PRKCZ: variants seen among roughly 807,000 people sequenced by gnomAD.
The protein encoded by PRKCZ is protein kinase C zeta.
In PRKCZ, 33 loss-of-function variants were observed where a neutral mutation model predicts 79.5. The ratio of observed to expected loss-of-function variants is 0.41; its 90% confidence interval spans 0.31 to 0.55. The LOEUF is 0.55. Among genes scored for constraint, PRKCZ ranks in the 20% least tolerant of loss-of-function variants. The probability of loss-of-function intolerance (pLI) is 0.19; values close to 1 mark genes in which losing one functional copy is unlikely to be tolerated. For synonymous variants in PRKCZ, 342 were observed against 320.9 expected, an observed-to-expected ratio of 1.07 and a Z score of -0.70; for missense variants, 578 against 813.5, an observed-to-expected ratio of 0.71 and a Z score of 3.52.
intron 4 of PRKCZ, among the ~76,000 whole-genome samples, chr1:2,085,944 G>A (rs984018026): frequency 6.6e-6 from 1 of 152,164 alleles, no homozygotes; most frequent in African/African-American, 2.4e-5. Flanking sequence ...CTCCTGTCTG[G>A]GTTGGCATCA....
intron 4 of PRKCZ, among the ~76,000 whole-genome samples, chr1:2,068,153 C>T (rs968572044): frequency 2.6e-5 from 4 of 152,236 alleles, no homozygotes; most frequent in Non-Finnish European, 5.9e-5. Context: ...GCAGCTCCTC[C>T]GGGGCAGACC....
rs1663767666 is a variant in PRKCZ at position 2,082,644 on chromosome 1, G to T, written c.334+23053G>T. Among the ~76,000 whole-genome samples the T allele has an allele frequency of 6.6e-6, 1 of 152,192 alleles. No homozygotes were observed. Among genetic ancestry groups the T allele is most frequent in the African/African-American group, 2.4e-5 (1 of 41,446 alleles). ...CGAAGTGGAGGGGTTCAGTGAAGGT[G>T]GAGTTGGGCAAGGGCGTACACGGTC... On this transcript the variant is annotated intron_variant, in intron 4 of 17. Coordinates refer to ENST00000378567, the MANE Select transcript of PRKCZ (RefSeq NM_002744.6). This position sits in a 1 kb window ranked among gnomAD's most constrained non-coding sequence, Gnocchi z 4.4.
intron 6 of PRKCZ, 67 bp from the exon 7 acceptor site, chr1:2,145,960 C>T: frequency 1.4e-6 from 2 of 1,383,064 alleles, no homozygotes; most frequent in South Asian, 2.3e-5. Context: ...AAAGTGTTTA[C>T]AGAAGCTACA....
At chr1:2,129,832 C>G (rs1202941882) in intron 4 of PRKCZ, among the ~76,000 whole-genome samples, 1 of 152,192 alleles carries the variant, frequency 6.6e-6, no homozygotes, top group Non-Finnish European at 1.5e-5. Flanking sequence ...ACCAGGTTCT[C>G]CACAGCCTTT....
intron 17 of PRKCZ, 34 bp downstream of exon 17, chr1:2,184,732 C>T (rs1687302706): frequency 1.3e-6 from 2 of 1,586,638 alleles, no homozygotes; most frequent in Admixed American, 1.8e-5. Context: ...CCTGGAGCAC[C>T]CCTCGGGCAG....
intron 4 of PRKCZ, among the ~76,000 whole-genome samples, chr1:2,068,339 G>C (rs1661294520): frequency 6.6e-6 from 1 of 152,228 alleles, no homozygotes. Flanking sequence ...CCCAGGCCAA[G>C]GTGTGGCCAG....
In PRKCZ at chr1:2,168,390, A is replaced by G. The variant is rs1346632297; in HGVS notation, c.975-1128A>G. On this transcript the variant is annotated intron_variant, in intron 10 of 17. Transcript: ENST00000378567. This position sits in a 1 kb window ranked among gnomAD's most constrained non-coding sequence, Gnocchi z 4.7. ...CAGGGGAGACAACAAAAGCCGAGGA[A>G]CGAGCCTTCCCCAGCCGCTCCCCAA... Among the ~76,000 whole-genome samples the G allele has an allele frequency of 6.6e-6, 1 of 152,130 alleles. No homozygotes were observed. Among genetic ancestry groups the G allele is most frequent in the African/African-American group, 2.4e-5 (1 of 41,428 alleles).
rs1292625677 is a variant in PRKCZ at position 2,185,230 on chromosome 1, C to T, written c.*221C>T. 1 of 708,612 alleles carries T rather than the reference C, an allele frequency of 1.4e-6. No homozygotes were observed. The highest frequency in any genetic ancestry group is 1.7e-5 in the African/African-American group (1 of 57,348). 43.9% of individuals were successfully genotyped at this position (708,612 alleles called of 1,614,324 possible). A position where few individuals can be genotyped will look rare whatever the true frequency, so the allele number is the denominator to read the frequency against. On this transcript the variant is annotated 3_prime_UTR_variant, in exon 18 of 18. Transcript: ENST00000378567. Reference sequence around the variant, plus strand: ...AGCTTCGTGCTGGAGGAACTTGCTGCTGTGCCTGCGTCGCGGCGGATCCGC... The same window carrying T: ...AGCTTCGTGCTGGAGGAACTTGCTGTTGTGCCTGCGTCGCGGCGGATCCGC...
intron 4 of PRKCZ, among the ~76,000 whole-genome samples, chr1:2,118,918 G>A (rs1356236817): frequency 3.9e-5 from 6 of 152,048 alleles, no homozygotes; most frequent in Admixed American, 6.6e-5. Context: ...GATTTAGTCC[G>A]TTTACATTTA....
At chr1:2,109,751 G>A (rs927943652) in intron 4 of PRKCZ, among the ~76,000 whole-genome samples, 1 of 152,180 alleles carries the variant, frequency 6.6e-6, no homozygotes, top group Non-Finnish European at 1.5e-5. Context: ...AGCCCAGCCT[G>A]TAGAGGCAGG....
chr1:2,114,541 C>T (rs540733098), intron 4 of PRKCZ, among the ~76,000 whole-genome samples: 213 of 152,242 alleles, frequency 1.4e-3, no homozygotes, highest in Middle Eastern at 3.4e-3. Flanking sequence ...TTTGGGAGGC[C>T]GAGGCGGGTA....
chr1:2,111,339 C>T (rs1361099251), intron 4 of PRKCZ, among the ~76,000 whole-genome samples: 1 of 151,808 alleles, frequency 6.6e-6, no homozygotes, highest in East Asian at 1.9e-4. Flanking sequence ...CCCAGGTTGA[C>T]AGGGACAGGC....
chr1:2,079,084 C>T (rs925786440), intron 4 of PRKCZ, among the ~76,000 whole-genome samples: 1 of 152,164 alleles, frequency 6.6e-6, no homozygotes, highest in Admixed American at 6.5e-5. Context: ...CCTTGTGATC[C>T]GCCCGCCTCG....
At chr1:2,097,209 A>G (rs1571342599) in intron 4 of PRKCZ, among the ~76,000 whole-genome samples, 1 of 152,194 alleles carries the variant, frequency 6.6e-6, no homozygotes, top group East Asian at 1.9e-4. Context: ...ACCAGTGTCC[A>G]TGCCCAGAGG....
At chr1:2,115,264 G>A (rs756641300) in intron 4 of PRKCZ, among the ~76,000 whole-genome samples, 2 of 152,252 alleles carry the variant, frequency 1.3e-5, no homozygotes, top group Non-Finnish European at 2.9e-5. Context: ...AATTCTCCAC[G>A]TCTTATGTAT....
intron 16 of PRKCZ, chr1:2,182,454 C>T (rs1204412214): frequency 1.3e-5 from 2 of 154,964 alleles, no homozygotes; most frequent in African/African-American, 2.4e-5. Context: ...GTATGCTGCC[C>T]CCCAGCTGGC....
rs574857429 is a variant in PRKCZ at position 2,174,070 on chromosome 1, C to A, written c.1405+54C>A. 22 of 1,524,170 alleles carry A rather than the reference C, an allele frequency of 1.4e-5. No individual in the cohort carries two copies. The highest frequency in any genetic ancestry group is 3.9e-5 in the Admixed American group (2 of 50,722). 94.4% of individuals were successfully genotyped at this position (1,524,170 alleles called of 1,614,324 possible). On this transcript the variant is annotated intron_variant, in intron 14 of 17. Transcript: ENST00000378567. This position sits in a 1 kb window ranked among gnomAD's most constrained non-coding sequence, Gnocchi z 6.2. ...CTCACCTGCACGACTGTCTTCCTTC[C>A]TTTTCAAAGGTGCAGGTGGAGGGGT...
rs1663726436 is a variant in PRKCZ, at chr1:2,082,456, A to T, written c.334+22865A>T. 1 of 455,570 alleles carries T rather than the reference A, an allele frequency of 2.2e-6. No homozygotes were observed. Among genetic ancestry groups the T allele is most frequent in the African/African-American group, 2.0e-5 (1 of 50,038 alleles). The allele number at this position is 455,570 out of a possible 1,614,324, so 28.2% of individuals were successfully genotyped here. A position where few individuals can be genotyped will look rare whatever the true frequency, so the allele number is the denominator to read the frequency against. On this transcript the variant is annotated intron_variant, in intron 4 of 17. Coordinates refer to ENST00000378567, the MANE Select transcript of PRKCZ (RefSeq NM_002744.6). The surrounding 1 kb of genome is among the most constrained non-coding windows in gnomAD (Gnocchi z 4.4). ...GAGTTTGCATGGAGACTGTAATTTC[A>T]TTCTGTGAGTGTAAGATCACGTCCG...
chr1:2,111,324 A>G (rs1669701413), intron 4 of PRKCZ, among the ~76,000 whole-genome samples: 1 of 151,816 alleles, frequency 6.6e-6, no homozygotes, highest in Non-Finnish European at 1.5e-5. Flanking sequence ...ACAGCCAGGG[A>G]GGGTCCCAGG....
Sources: gnomAD v4.1 joint callset for allele counts (sites outside exome capture counted in the v4.1 genomes callset) on GRCh38, gnomAD v4.1.1 for gene constraint, Gnocchi (gnomAD v3.1) non-coding constraint, MANE v1.5 for transcripts, NCBI Gene and HGNC (gene_info 2026-07-23, HGNC 2026-07-21) for gene names.